The following ARSB variants were observed in gnomAD, a reference collection of about 807,000 sequenced individuals.
The protein encoded by ARSB is arylsulfatase B, also known as N-acetylgalactosamine-4-sulfatase.
A neutral mutation model predicts 50.9 loss-of-function variants in ARSB; 41 were observed. The observed-to-expected ratio is 0.81, with a 90% CI of 0.63 to 1.04. ARSB has a LOEUF of 1.04. Ranked by LOEUF, ARSB falls within the 50% of genes least tolerant of loss-of-function variation. The pLI is 0.00. For synonymous variants in ARSB, 269 were observed against 284.8 expected, an observed-to-expected ratio of 0.94 and a Z score of 0.56; for missense variants, 672 against 693.3, an observed-to-expected ratio of 0.97 and a Z score of 0.35.
chr5:78,871,462 A>G (rs1747169001), intron 5 of ARSB, among the ~76,000 whole-genome samples: 1 of 151,212 alleles, frequency 6.6e-6, no homozygotes, highest in Non-Finnish European at 1.5e-5. Context: ...TGGTACCAAA[A>G]CAGAGATATA....
At chr5:78,858,267 C>T (rs1287322148) in intron 5 of ARSB, among the ~76,000 whole-genome samples, 1 of 152,182 alleles carries the variant, frequency 6.6e-6, no homozygotes, top group African/African-American at 2.4e-5. Flanking sequence ...CATTTTTCTT[C>T]ACCCTCTTCT....
chr5:78,904,685 CTTTTTTTTTTTT>C (rs55920994), intron 4 of ARSB, among the ~76,000 whole-genome samples: 1 of 98,932 alleles, frequency 1.0e-5, no homozygotes, highest in Non-Finnish European at 2.0e-5. Context: ...TTCTTTCTTT[CTTTTTTTTTTTT>C]TTTTTTTTGA....
chr5:78,985,104 A>C lies in ARSB; in HGVS notation c.145T>G (p.Phe49Val), dbSNP rs1447667400. The change falls in exon 1 of 8, where the codon TTC becomes GTC. Residue 49 changes from phenylalanine (F) to valine (V), a missense_variant. Phe to Val is a conservative substitution (Grantham distance 50). Coordinates refer to ENST00000264914, the MANE Select transcript of ARSB (RefSeq NM_000046.5). ...CAGCCTAGGTCGTCTGCCAGCAAGA[A>C]GACCAGGTGGGGCGGCCGGCTGGCC... is the stretch of plus-strand genomic sequence containing the variant. ...AGASRPPHLV[F>V]LLADDLGWND... 1 of 1,515,304 alleles carries C rather than the reference A, an allele frequency of 6.6e-7. No individual in the cohort carries two copies. Among genetic ancestry groups the C allele is most frequent in the Admixed American group, 2.0e-5 (1 of 49,210 alleles). 93.9% of individuals were successfully genotyped at this position (1,515,304 alleles called of 1,614,324 possible). A position where few individuals can be genotyped will look rare whatever the true frequency, so the allele number is the denominator to read the frequency against.
At chr5:78,947,576 A>G (rs897137572) in intron 4 of ARSB, among the ~76,000 whole-genome samples, 1 of 152,218 alleles carries the variant, frequency 6.6e-6, no homozygotes, top group Non-Finnish European at 1.5e-5. Context: ...TCAAAACTGC[A>G]GTGAGATATC....
intron 5 of ARSB, among the ~76,000 whole-genome samples, chr5:78,845,395 G>T (rs1383205555): frequency 1.3e-5 from 2 of 152,070 alleles, no homozygotes; most frequent in East Asian, 3.8e-4. Context: ...TATATACCCA[G>T]TAGCGGGATT....
At chr5:78,922,373 G>C (rs1416981090) in intron 4 of ARSB, among the ~76,000 whole-genome samples, 2 of 151,302 alleles carry the variant, frequency 1.3e-5, no homozygotes, top group Non-Finnish European at 2.9e-5. Flanking sequence ...CAGCAGGATA[G>C]GGCACCAGAC....
chr5:78,947,328 C>A (rs1170553409), intron 4 of ARSB, among the ~76,000 whole-genome samples: 1 of 152,004 alleles, frequency 6.6e-6, no homozygotes, highest in African/African-American at 2.4e-5. Flanking sequence ...AAATGACCAA[C>A]AAAGTGAAGA....
intron 4 of ARSB, among the ~76,000 whole-genome samples, chr5:78,900,171 T>A (rs1748738932): frequency 6.6e-6 from 1 of 152,124 alleles, no homozygotes; most frequent in Non-Finnish European, 1.5e-5. Context: ...GGCTAGGGGT[T>A]CCTGCCCATG....
intron 4 of ARSB, among the ~76,000 whole-genome samples, chr5:78,937,386 A>G (rs1478894616): frequency 6.9e-6 from 1 of 144,884 alleles, no homozygotes; most frequent in African/African-American, 2.5e-5. Context: ...AGATATATAT[A>G]TCATATATAT....
chr5:78,974,304 C>T (rs1309315061), intron 1 of ARSB, among the ~76,000 whole-genome samples: 1 of 152,202 alleles, frequency 6.6e-6, no homozygotes, highest in Non-Finnish European at 1.5e-5. Context: ...TGGCCCGTGT[C>T]ACTGACAGTT....
intron 5 of ARSB, among the ~76,000 whole-genome samples, chr5:78,881,095 G>A (rs1747725774): frequency 6.6e-6 from 1 of 152,134 alleles, no homozygotes. Context: ...AGCTGGGTAT[G>A]TTGATGCATA....
chr5:78,848,895 T>A (rs1357601483), intron 5 of ARSB, among the ~76,000 whole-genome samples: 2 of 142,056 alleles, frequency 1.4e-5, no homozygotes, highest in Non-Finnish European at 3.1e-5. Flanking sequence ...TTCATATCCT[T>A]TGCCCACTTG....
intron 3 of ARSB, among the ~76,000 whole-genome samples, chr5:78,956,431 T>C (rs1751731807): frequency 6.6e-6 from 1 of 152,112 alleles, no homozygotes; most frequent in Admixed American, 6.5e-5. Context: ...GATGAACATG[T>C]TTTAAACTTA....
chr5:78,848,929 A>G (rs1270035013), intron 5 of ARSB, among the ~76,000 whole-genome samples: 4 of 149,878 alleles, frequency 2.7e-5, no homozygotes, highest in Non-Finnish European at 5.9e-5. Flanking sequence ...TTTTTCTCGT[A>G]AATTTGTTTG....
intron 5 of ARSB, among the ~76,000 whole-genome samples, chr5:78,857,110 TA>T (rs1746188110): frequency 6.6e-6 from 1 of 152,320 alleles, no homozygotes; most frequent in Non-Finnish European, 1.5e-5. Context: ...TCAAAGACTA[TA>T]ACCTGGGACA....
At chr5:78,796,943 T>C (rs568130492) in intron 6 of ARSB, among the ~76,000 whole-genome samples, 5 of 147,052 alleles carry the variant, frequency 3.4e-5, no homozygotes, top group Non-Finnish European at 7.4e-5. Flanking sequence ...AGTGGCGGGA[T>C]CTCGGCTCAC....
chr5:78,844,170 A>G (rs1400413034), intron 5 of ARSB, among the ~76,000 whole-genome samples: 1 of 152,208 alleles, frequency 6.6e-6, no homozygotes, highest in African/African-American at 2.4e-5. Context: ...CTCACCAGGA[A>G]TAAGTGCTTC....
chr5:78,859,791 T>A (rs1004835239), intron 5 of ARSB, among the ~76,000 whole-genome samples: 1 of 151,862 alleles, frequency 6.6e-6, no homozygotes, highest in Non-Finnish European at 1.5e-5. Context: ...TCACCCCGAA[T>A]GCTGGCTGCT....
At chr5:78,929,357 G>A (rs1750207161) in intron 4 of ARSB, among the ~76,000 whole-genome samples, 1 of 152,106 alleles carries the variant, frequency 6.6e-6, no homozygotes. Context: ...CTTTACAGGG[G>A]ATGGATCATG....
Sources: allele counts gnomAD v4.1 joint callset (sites outside exome capture counted in the v4.1 genomes callset), GRCh38; gene constraint gnomAD v4.1.1; transcripts MANE v1.5; gene names NCBI Gene and HGNC (gene_info 2026-07-23, HGNC 2026-07-21).